The following PPFIBP2 variants were observed in gnomAD, a reference collection of about 807,000 sequenced individuals.
The protein encoded by PPFIBP2 is liprin-beta-2.
In PPFIBP2, 118 loss-of-function variants were observed where a neutral mutation model predicts 118.3. The observed-to-expected ratio is 1.00, with a 90% CI of 0.86 to 1.16. The LOEUF (loss-of-function observed/expected upper bound fraction) is 1.16, where lower values mean the gene tolerates loss of function less well. Among genes scored for constraint, PPFIBP2 ranks in the 50% most tolerant of loss-of-function variants. The pLI, the probability that PPFIBP2 is intolerant of heterozygous loss-of-function variation, is 0.00. For missense variants in PPFIBP2, 1,195 were observed against 1,073.1 expected (o/e 1.11, Z -1.59); for synonymous variants, 414 against 397.4 (o/e 1.04, Z -0.50).
At chr11:7,592,984 T>G in intron 3 of PPFIBP2, 148 bp from the exon 4 acceptor site, 1 of 1,253,188 alleles carries the variant, frequency 8.0e-7, no homozygotes, top group Non-Finnish European at 1.1e-6. Context: ...TTTTGAAATC[T>G]TGTGGTTTCC....
chr11:7,523,453 T>C (rs1002901400), intron 1 of PPFIBP2, among the ~76,000 whole-genome samples: 1 of 152,214 alleles, frequency 6.6e-6, no homozygotes, highest in Non-Finnish European at 1.5e-5. Flanking sequence ...AACTTCCCTT[T>C]CTCTTTTGAG....
intron 1 of PPFIBP2, among the ~76,000 whole-genome samples, chr11:7,547,792 C>T (rs1053155838): frequency 2.6e-5 from 4 of 152,130 alleles, no homozygotes; most frequent in East Asian, 1.9e-4. Context: ...TCTTGACCCC[C>T]GAGGCTGAAT....
Position 7,601,579 on chromosome 11 carries a change from G to A in PPFIBP2, c.486+3906G>A, listed in dbSNP as rs371213031. ...CATAGACAGCTACAAGCATCTCTCA[G>A]GACTGCCTATGGAAGCACCTAGTCA... is the stretch of plus-strand genomic sequence containing the variant. On this transcript the variant is annotated intron_variant, in intron 5 of 23. Coordinates refer to ENST00000299492, the MANE Select transcript of PPFIBP2 (RefSeq NM_003621.5). Among the ~76,000 whole-genome samples the A allele has an allele frequency of 2.0e-5, 3 of 152,082 alleles. No individual in the cohort carries two copies. In the East Asian group the frequency reaches 5.8e-4, roughly 29 times the overall value.
chr11:7,527,033 T>C (rs891922450), intron 1 of PPFIBP2, among the ~76,000 whole-genome samples: 1 of 151,262 alleles, frequency 6.6e-6, no homozygotes, highest in Non-Finnish European at 1.5e-5. Context: ...CTAGAGGGCA[T>C]AGCAGGTATA....
chr11:7,637,135 T>C (rs919614860), intron 14 of PPFIBP2, among the ~76,000 whole-genome samples: 2 of 152,356 alleles, frequency 1.3e-5, no homozygotes, highest in Non-Finnish European at 1.5e-5. Context: ...CCTCTCTGAG[T>C]GCTCTGTTCT....
intron 6 of PPFIBP2, among the ~76,000 whole-genome samples, chr11:7,612,721 G>T (rs1260272882): frequency 2.6e-5 from 4 of 152,184 alleles, no homozygotes; most frequent in Non-Finnish European, 5.9e-5. Context: ...CAAATATTAG[G>T]TTTCCACGTG....
chr11:7,664,720 G>T, the PPFIBP2 span, among the ~76,000 whole-genome samples: 23,098 of 152,018 alleles, frequency 0.15, 1,780 homozygotes, highest in African/African-American at 0.17. Flanking sequence ...GAGAGATGGG[G>T]GTGGCCAGAG....
At chr11:7,629,668 T>C (rs1280431051) in intron 10 of PPFIBP2, 134 bp downstream of exon 10, 4 of 827,272 alleles carry the variant, frequency 4.8e-6, no homozygotes, top group Admixed American at 2.3e-5. Context: ...CAGAGCTGTT[T>C]AGACTTTTCT....
At chr11:7,667,241 G>A in the PPFIBP2 span, 2 of 151,472 alleles carry the variant, frequency 1.3e-5, no homozygotes, top group Non-Finnish European at 2.9e-5. Context: ...GTGGAAGTTA[G>A]TAAATTATAG....
intron 2 of PPFIBP2, among the ~76,000 whole-genome samples, chr11:7,560,067 G>C (rs1854122837): frequency 6.6e-6 from 1 of 152,218 alleles, no homozygotes; most frequent in Non-Finnish European, 1.5e-5. Context: ...CAAGAGGCCT[G>C]CTCTGAGATT....
At chr11:7,644,098 A>G (rs150545235) in intron 17 of PPFIBP2, among the ~76,000 whole-genome samples, 5 of 147,640 alleles carry the variant, frequency 3.4e-5, no homozygotes, top group African/African-American at 1.2e-4. Context: ...TTTGTGAATT[A>G]TCTGCATTTT....
chr11:7,602,111 A>AAT lies in PPFIBP2; in HGVS notation c.486+4438_486+4439insAT, dbSNP rs1846733312. ...TCAAAAAAAAAAAAAAAAAAAAAAA[A>AAT]GAAGAGTCATTTCTCAAAAGGATCT... On this transcript the variant is annotated intron_variant, in intron 5 of 23. Coordinates refer to ENST00000299492, the MANE Select transcript of PPFIBP2 (RefSeq NM_003621.5). Among the ~76,000 whole-genome samples, 13 of 147,274 alleles carry AAT rather than the reference A, an allele frequency of 8.8e-5. No individual in the cohort carries two copies. In the South Asian group the frequency reaches 2.8e-3, roughly 31 times the overall value.
intron 10 of PPFIBP2, among the ~76,000 whole-genome samples, chr11:7,629,990 T>C (rs1850541843): frequency 1.3e-5 from 2 of 152,164 alleles, no homozygotes; most frequent in Non-Finnish European, 2.9e-5. Context: ...TGAGTTGCTA[T>C]AGGAAGTCAC....
intron 3 of PPFIBP2, chr11:7,577,487 T>TGAGGGGG: frequency 2.3e-6 from 1 of 444,306 alleles, no homozygotes; most frequent in Non-Finnish European, 4.5e-6. Context: ...TTGGAGTTCT[T>TGAGGGGG]GAGGGGGGAG....
At chr11:7,661,942 C>CTGTT (rs1854898016), downstream of PPFIBP2, among the ~76,000 whole-genome samples, 1 of 129,436 alleles carries the variant, frequency 7.7e-6, no homozygotes, top group Non-Finnish European at 1.7e-5. Context: ...GGTTTAAAGT[C>CTGTT]TGTTTTATCA....
At chr11:7,515,198 T>C (rs1461630147) in intron 1 of PPFIBP2, among the ~76,000 whole-genome samples, 1 of 152,250 alleles carries the variant, frequency 6.6e-6, no homozygotes, top group Non-Finnish European at 1.5e-5. Flanking sequence ...CTTAAATTCA[T>C]AGCTAAATAA....
At chr11:7,610,589 G>T in intron 6 of PPFIBP2, 167 bp downstream of exon 6, 1 of 1,026,064 alleles carries the variant, frequency 9.7e-7, no homozygotes, top group Non-Finnish European at 1.4e-6. Flanking sequence ...TTTTGCTGTG[G>T]CTGCAAATTT....
At chr11:7,635,007 C>T (rs1208937164) in intron 13 of PPFIBP2, among the ~76,000 whole-genome samples, 2 of 152,022 alleles carry the variant, frequency 1.3e-5, no homozygotes, top group East Asian at 3.9e-4. Context: ...GTGGGATCGT[C>T]AGGATGTTGG....
At position 7,597,637 on chromosome 11, in the gene PPFIBP2, G is replaced by A; in HGVS notation, c.450G>A (p.Gln150=). The change falls in exon 5 of 24, where the codon CAG becomes CAA. Residue 150 remains glutamine (Q), a synonymous_variant. Coordinates refer to ENST00000299492, the MANE Select transcript of PPFIBP2 (RefSeq NM_003621.5). ...RDLEVCLEGH[Q]VKLNAAEEML... Reference sequence around the variant, plus strand: ...TGGAAGTGTGTCTGGAAGGACACCAGGTGAAACTCAATGCTGCTGAAGAGA... The same window carrying A: ...TGGAAGTGTGTCTGGAAGGACACCAAGTGAAACTCAATGCTGCTGAAGAGA... The A allele has an allele frequency of 1.9e-6, 3 of 1,614,130 alleles. No individual in the cohort carries two copies. In the African/African-American group the frequency reaches 4.0e-5, roughly 22 times the overall value.
Sources: allele counts gnomAD v4.1 joint callset (sites outside exome capture counted in the v4.1 genomes callset), GRCh38; gene constraint gnomAD v4.1.1; transcripts MANE v1.5; gene names NCBI Gene and HGNC (gene_info 2026-07-23, HGNC 2026-07-21).